Variants in ADAM9 observed in about 807,000 individuals in gnomAD.
The protein encoded by ADAM9 is disintegrin and metalloproteinase domain-containing protein 9.
ADAM9 carries 54 observed loss-of-function variants against 108.1 expected under a neutral mutation model. That is an observed-to-expected ratio of 0.50 (90% CI 0.40 to 0.63). The LOEUF is 0.63. Among genes scored for constraint, ADAM9 ranks in the 20% least tolerant of loss-of-function variants. ADAM9 has a pLI of 0.00. For synonymous variants in ADAM9, 316 were observed against 336.0 expected (o/e 0.94, Z 0.65); for missense variants, 830 against 997.7 (o/e 0.83, Z 2.26).
At chr8:39,041,288 C>G (rs7818363) in intron 11 of ADAM9, among the ~76,000 whole-genome samples, 64,520 of 151,944 alleles carry the variant, frequency 0.42, 14,515 homozygotes, top group East Asian at 0.73. Flanking sequence ...TCTCACATAG[C>G]TCAAGTTGGA....
chr8:39,068,700 A>G (rs997733633), intron 14 of ADAM9, among the ~76,000 whole-genome samples: 2 of 138,390 alleles, frequency 1.4e-5, no homozygotes, highest in Non-Finnish European at 3.1e-5. Flanking sequence ...AAAAAAAAAA[A>G]AAAAAAAAAA....
rs748673629 is a variant in ADAM9 at position 39,090,203 on chromosome 8, T to C, written c.2210+15T>C. ...CAAACATATGAGTACTTAGATTTTTTTCTTTTAATTCCTATATTAAATATA... is the reference window on the plus strand; with the variant it reads ...CAAACATATGAGTACTTAGATTTTTCTCTTTTAATTCCTATATTAAATATA... On this transcript the variant is annotated intron_variant, in intron 19 of 21. Coordinates refer to ENST00000487273, the MANE Select transcript of ADAM9 (RefSeq NM_003816.3). 2 of 1,599,898 alleles carry C rather than the reference T, an allele frequency of 1.3e-6. No homozygotes were observed. Among genetic ancestry groups the C allele is most frequent in the South Asian group, 1.1e-5 (1 of 89,820 alleles).
At chr8:39,000,318 A>C (rs987407651) in intron 1 of ADAM9, among the ~76,000 whole-genome samples, 1 of 152,168 alleles carries the variant, frequency 6.6e-6, no homozygotes, top group African/African-American at 2.4e-5. Context: ...GAATGGGTCT[A>C]ATGTGGACCC....
At chr8:39,001,130 A>C (rs1306519234) in intron 1 of ADAM9, among the ~76,000 whole-genome samples, 1 of 152,190 alleles carries the variant, frequency 6.6e-6, no homozygotes, top group Non-Finnish European at 1.5e-5. Flanking sequence ...CCTGTTGTGA[A>C]GATATCTTGG....
intron 16 of ADAM9, 74 bp downstream of exon 16, chr8:39,077,485 G>T (rs1838885186): frequency 1.5e-6 from 2 of 1,343,074 alleles, no homozygotes; most frequent in Non-Finnish European, 2.0e-6. Flanking sequence ...GTAAGTGGTT[G>T]CTCTTTTCTG....
At chr8:39,092,322 A>T (rs1031989695) in intron 20 of ADAM9, among the ~76,000 whole-genome samples, 1 of 134,004 alleles carries the variant, frequency 7.5e-6, no homozygotes, top group East Asian at 2.0e-4. Flanking sequence ...TCATTTTTTA[A>T]TATATTTATA....
At chr8:39,071,732 T>C (rs1179405569) in intron 15 of ADAM9, among the ~76,000 whole-genome samples, 2 of 152,212 alleles carry the variant, frequency 1.3e-5, no homozygotes, top group African/African-American at 4.8e-5. Context: ...CCCAAAGTGC[T>C]GGGATTAGAG....
chr8:39,019,624 A>G (rs529966565), intron 7 of ADAM9, among the ~76,000 whole-genome samples: 1 of 152,090 alleles, frequency 6.6e-6, no homozygotes, highest in African/African-American at 2.4e-5. Flanking sequence ...TAAAAAAGAG[A>G]GTATTTTTAG....
In ADAM9 at chr8:39,017,427, C is replaced by T. The variant is rs749170424; in HGVS notation, c.606+13C>T. The T allele has an allele frequency of 1.9e-6, 3 of 1,609,888 alleles. No homozygotes were observed. Among genetic ancestry groups the T allele is most frequent in the Non-Finnish European group, 2.5e-6 (3 of 1,176,786 alleles). ...TCAGCTACTTCGAGTAAGGAAATAA[C>T]ATAATTCTTCATGGCTCAGACTACC... On this transcript the variant is annotated intron_variant, in intron 6 of 21. Coordinates refer to ENST00000487273, the MANE Select transcript of ADAM9 (RefSeq NM_003816.3).
At chr8:39,082,831 C>A in intron 17 of ADAM9, 110 bp downstream of exon 17, 2 of 1,348,878 alleles carry the variant, frequency 1.5e-6, no homozygotes, top group Non-Finnish European at 2.1e-6. Context: ...AATTTAGATT[C>A]CTGATAAAAT....
At chr8:39,018,466 ATATG>A in intron 6 of ADAM9, 1 of 187,226 alleles carries the variant, frequency 5.3e-6, no homozygotes, top group East Asian at 1.4e-4. Context: ...TTTCATTAAA[ATATG>A]TGTGTGTTTG....
At chr8:39,077,616 T>G (rs1838888752) in intron 16 of ADAM9, among the ~76,000 whole-genome samples, 1 of 152,196 alleles carries the variant, frequency 6.6e-6, no homozygotes, top group Non-Finnish European at 1.5e-5. Flanking sequence ...AACCAGTGTT[T>G]TCCACTTTGC....
chr8:39,037,635 T>G (rs546375240), intron 11 of ADAM9, among the ~76,000 whole-genome samples: 1 of 151,954 alleles, frequency 6.6e-6, no homozygotes, highest in South Asian at 2.1e-4. Flanking sequence ...CCAGGTGGCC[T>G]TGAATTCCTG....
At position 39,078,308 on chromosome 8, in the gene ADAM9, A is replaced by G. The variant is rs116580951; in HGVS notation, c.1881+897A>G. On this transcript the variant is annotated intron_variant, in intron 16 of 21. Transcript: ENST00000487273. ...TTTTGATAGTGCAATTTCCCTTTCA[A>G]TAAGGTGGTAACAATCTATATCCCA... Among the ~76,000 whole-genome samples, 1,229 of 151,864 alleles carry G rather than the reference A, an allele frequency of 8.1e-3. 18 individuals are homozygous for G. The highest frequency in any genetic ancestry group is 0.028 in the African/African-American group (1,170 of 41,354).
intron 9 of ADAM9, among the ~76,000 whole-genome samples, 171 bp downstream of exon 9, chr8:39,023,496 T>G (rs1274620826): frequency 1.3e-5 from 2 of 152,148 alleles, no homozygotes; most frequent in African/African-American, 4.8e-5. Context: ...TGGATTCCTG[T>G]GACCTTTCTC....
chr8:39,017,557 C>A, intron 6 of ADAM9, 143 bp downstream of exon 6: 1 of 797,428 alleles, frequency 1.3e-6, no homozygotes, highest in Non-Finnish European at 2.1e-6. Flanking sequence ...GTGATAGGTA[C>A]TAGGGGATGA....
intron 18 of ADAM9, among the ~76,000 whole-genome samples, chr8:39,088,202 T>G (rs1839235123): frequency 6.6e-6 from 1 of 152,000 alleles, no homozygotes; most frequent in African/African-American, 2.4e-5. Context: ...CAAACCCACA[T>G]TGTTCCAGGG....
intron 20 of ADAM9, among the ~76,000 whole-genome samples, chr8:39,098,940 A>G (rs11995576): frequency 0.9 from 136,129 of 152,094 alleles, 61,636 homozygotes; most frequent in South Asian, 0.98. Context: ...GATGTCTTTA[A>G]ACTGAAATTT....
At chr8:39,006,861 T>C (rs1318496294) in intron 1 of ADAM9, among the ~76,000 whole-genome samples, 2 of 152,174 alleles carry the variant, frequency 1.3e-5, no homozygotes. Flanking sequence ...ATTTGTGTTT[T>C]TGTGATGGAT....
Sources: allele counts gnomAD v4.1 joint callset (sites outside exome capture counted in the v4.1 genomes callset), GRCh38; gene constraint gnomAD v4.1.1; transcripts MANE v1.5; gene names NCBI Gene and HGNC (gene_info 2026-07-23, HGNC 2026-07-21).